DCDC1: variants seen among roughly 807,000 people sequenced by gnomAD.
DCDC1 encodes the protein doublecortin domain-containing protein 1.
A neutral mutation model predicts 178.3 loss-of-function variants in DCDC1; 200 were observed. That is an observed-to-expected ratio of 1.12 (90% confidence interval 1.00 to 1.26). The LOEUF (loss-of-function observed/expected upper bound fraction) is 1.26. Ranked by LOEUF, DCDC1 falls within the 50% of genes most tolerant of loss-of-function variation. The pLI, the probability that DCDC1 is intolerant of heterozygous loss-of-function variation, is 0.00. For missense variants in DCDC1, 1,983 were observed against 1,749.2 expected (o/e 1.13, Z -2.38); for synonymous variants, 690 against 604.8 (o/e 1.14, Z -2.07).
intron 36 of DCDC1, among the ~76,000 whole-genome samples, chr11:30,888,808 T>A (rs1419688340): frequency 6.6e-6 from 1 of 152,246 alleles, no homozygotes; most frequent in Non-Finnish European, 1.5e-5. Flanking sequence ...AGTATTCTCT[T>A]TAAAGTGTAT....
chr11:31,033,320 T>A (rs1217273103), intron 20 of DCDC1, among the ~76,000 whole-genome samples: 2 of 152,150 alleles, frequency 1.3e-5, no homozygotes, highest in Non-Finnish European at 2.9e-5. Context: ...ACATATATAT[T>A]TATTTATATA....
chr11:31,183,237 C>A (rs1167376883), intron 9 of DCDC1, among the ~76,000 whole-genome samples: 1 of 152,118 alleles, frequency 6.6e-6, no homozygotes, highest in Admixed American at 6.5e-5. Context: ...CAGCTCTGGA[C>A]CAAGTGGACC....
Position 31,131,038 on chromosome 11 carries a change from C to T in DCDC1, c.1315-3399G>A, listed in dbSNP as rs1188310923. 2.4e-5 allele frequency among the ~76,000 whole-genome samples: 2 copies of T among 81,862 alleles called. 1 individual carries two copies. The highest frequency in any genetic ancestry group is 5.3e-5 in the Non-Finnish European group (2 of 37,888). The allele number at this position is 81,862 out of a possible 152,430, so 53.7% of individuals were successfully genotyped here. A position where few individuals can be genotyped will look rare whatever the true frequency, so the allele number is the denominator to read the frequency against. ...TCTACTAAAAATACAAAAAATTAGC[C>T]GGGCGCGGTGGCGGGCGCCTGTAGT... On this transcript the variant is annotated intron_variant, in intron 10 of 38. Coordinates refer to ENST00000684477, the MANE Select transcript of DCDC1 (RefSeq NM_001387274.1).
intron 21 of DCDC1, among the ~76,000 whole-genome samples, chr11:30,935,246 C>T (rs1318677962): frequency 6.6e-6 from 1 of 152,162 alleles, no homozygotes; most frequent in African/African-American, 2.4e-5. Flanking sequence ...ATTGGGTAGT[C>T]CATCATACGT....
At chr11:31,205,492 A>G (rs1971761004) in intron 9 of DCDC1, among the ~76,000 whole-genome samples, 1 of 152,190 alleles carries the variant, frequency 6.6e-6, no homozygotes, top group Admixed American at 6.5e-5. Flanking sequence ...ATGTTATTGG[A>G]TCACAATAAA....
At chr11:31,044,041 C>T (rs1339341452) in intron 20 of DCDC1, among the ~76,000 whole-genome samples, 2 of 151,984 alleles carry the variant, frequency 1.3e-5, no homozygotes, top group African/African-American at 4.8e-5. Context: ...AGATATCACT[C>T]CCATAATTAT....
At chr11:31,237,736 G>C (rs1490381353) in intron 9 of DCDC1, among the ~76,000 whole-genome samples, 1 of 151,964 alleles carries the variant, frequency 6.6e-6, no homozygotes, top group Non-Finnish European at 1.5e-5. Context: ...AAGAATTTAA[G>C]AAATATTGGA....
intron 23 of DCDC1, among the ~76,000 whole-genome samples, chr11:30,924,766 T>C (rs991357674): frequency 2.0e-5 from 3 of 152,134 alleles, no homozygotes; most frequent in African/African-American, 7.2e-5. Context: ...TCTAGGATCA[T>C]GATGAACATT....
intron 20 of DCDC1, among the ~76,000 whole-genome samples, chr11:30,972,648 C>T (rs1421889453): frequency 6.6e-6 from 1 of 151,818 alleles, no homozygotes; most frequent in Non-Finnish European, 1.5e-5. Flanking sequence ...CAAGGCTATA[C>T]CAAAAAAGAA....
intron 20 of DCDC1, among the ~76,000 whole-genome samples, chr11:31,038,529 T>C (rs564586894): frequency 1.3e-5 from 2 of 152,290 alleles, no homozygotes; most frequent in South Asian, 2.1e-4. Flanking sequence ...ATGGATGTTA[T>C]GATGATGAAG....
At chr11:31,153,757 T>C (rs1055969675) in intron 9 of DCDC1, among the ~76,000 whole-genome samples, 57 of 142,668 alleles carry the variant, frequency 4.0e-4, no homozygotes, top group Middle Eastern at 3.9e-3. Context: ...CACTCCAGCC[T>C]GGGCGATAGA....
intron 36 of DCDC1, among the ~76,000 whole-genome samples, chr11:30,888,102 G>GAAAGAAAGAAAGAAAGAA (rs1565029737): frequency 1.0e-4 from 5 of 47,688 alleles, no homozygotes; most frequent in East Asian, 1.3e-3. Context: ...GAAAGAAAAA[G>GAAAGAAAGAAAGAAAGAA]AAAGAAAGAA....
chr11:31,091,606 G>C (rs1957827658), intron 16 of DCDC1, 95 bp from the exon 17 acceptor site: 2 of 641,770 alleles, frequency 3.1e-6, no homozygotes, highest in Non-Finnish European at 5.6e-6. Context: ...CATTATGCCT[G>C]GATAACCCTG....
At chr11:30,944,946 T>C (rs1947909211) in intron 21 of DCDC1, among the ~76,000 whole-genome samples, 1 of 142,178 alleles carries the variant, frequency 7.0e-6, no homozygotes, top group South Asian at 2.4e-4. Flanking sequence ...TCACAGACCA[T>C]CAACAAAAAT....
intron 9 of DCDC1, among the ~76,000 whole-genome samples, chr11:31,221,800 C>T (rs1295170835): frequency 2.6e-5 from 4 of 152,164 alleles, no homozygotes; most frequent in East Asian, 3.9e-4. Flanking sequence ...TATGGATAGG[C>T]TAAGAATTTT....
At chr11:30,967,407 C>T (rs370313966) in intron 20 of DCDC1, among the ~76,000 whole-genome samples, 7 of 152,090 alleles carry the variant, frequency 4.6e-5, no homozygotes, top group African/African-American at 1.7e-4. Context: ...TCTAGAAAAC[C>T]CCATCGTCTC....
intron 9 of DCDC1, among the ~76,000 whole-genome samples, chr11:31,176,289 A>AG (rs1379910345): frequency 6.6e-6 from 1 of 152,220 alleles, no homozygotes; most frequent in East Asian, 1.9e-4. Context: ...ATAGCAGGCT[A>AG]GAGCAAGCAG....
In DCDC1 at chr11:31,306,391, G is replaced by A; in HGVS notation, c.435-3C>T. ...TTAAAGAAGAGAACTCTGCAACCCTGAAGAAAAAGAAAAACAGAAAAATTG... is the reference window on the plus strand; with the variant it reads ...TTAAAGAAGAGAACTCTGCAACCCTAAAGAAAAAGAAAAACAGAAAAATTG... On this transcript the variant is annotated splice_region_variant and splice_polypyrimidine_tract_variant and intron_variant, in intron 4 of 38. Transcript: ENST00000684477. 6.3e-7 allele frequency: 1 copy of A among 1,577,314 alleles called. No individual in the cohort carries two copies. The highest frequency in any genetic ancestry group is 1.4e-5 in the African/African-American group (1 of 72,464).
intron 20 of DCDC1, 105 bp downstream of exon 20, chr11:31,064,364 C>G: frequency 1.6e-6 from 1 of 631,452 alleles, no homozygotes; most frequent in Non-Finnish European, 2.9e-6. Context: ...AGCCAAAGGG[C>G]TTTTGAGATA....
Sources: allele counts gnomAD v4.1 joint callset (sites outside exome capture counted in the v4.1 genomes callset), GRCh38; gene constraint gnomAD v4.1.1; transcripts MANE v1.5; gene names NCBI Gene and HGNC (gene_info 2026-07-23, HGNC 2026-07-21).